PRKG1: variants seen among roughly 807,000 people sequenced by gnomAD.
PRKG1 encodes the protein protein kinase cGMP-dependent 1, also known as cGMP-dependent protein kinase 1.
PRKG1 carries 35 observed loss-of-function variants against 88.1 expected under a neutral mutation model. That is an observed-to-expected ratio of 0.40 (90% CI 0.30 to 0.53). The LOEUF is 0.53. Among genes scored for constraint, PRKG1 ranks in the 20% least tolerant of loss-of-function variants. The pLI is 0.59. For missense variants in PRKG1, 540 were observed against 839.8 expected (o/e 0.64, Z 4.41); for synonymous variants, 303 against 292.5 (o/e 1.04, Z -0.37).
intron 3 of PRKG1, among the ~76,000 whole-genome samples, chr10:51,769,565 T>C (rs74132416): frequency 0.047 from 7,087 of 152,242 alleles, 530 homozygotes; most frequent in African/African-American, 0.16. Flanking sequence ...TGACCCAGAC[T>C]TTCTAATAAA....
chr10:51,050,939 G>C (rs1843553004), intron 1 of PRKG1, among the ~76,000 whole-genome samples: 1 of 151,980 alleles, frequency 6.6e-6, no homozygotes, highest in South Asian at 2.1e-4. Flanking sequence ...ATGGCCGTTT[G>C]TGTGTCTTTT....
intron 7 of PRKG1, among the ~76,000 whole-genome samples, chr10:52,068,091 T>C (rs1846400397): frequency 7.4e-6 from 1 of 135,416 alleles, no homozygotes; most frequent in Admixed American, 7.9e-5. Context: ...TAGTCCCAGC[T>C]ACACGGGAGG....
intron 5 of PRKG1, among the ~76,000 whole-genome samples, chr10:51,956,237 C>T (rs1219699326): frequency 6.6e-6 from 1 of 151,910 alleles, no homozygotes; most frequent in Non-Finnish European, 1.5e-5. Context: ...TTTGTGGTTT[C>T]AAGTGATATA....
intron 2 of PRKG1, among the ~76,000 whole-genome samples, chr10:51,246,628 A>G (rs903306753): frequency 1.7e-4 from 26 of 151,732 alleles, no homozygotes; most frequent in South Asian, 4.2e-4. Flanking sequence ...AAAAAAAACA[A>G]TGAGGTGATT....
At chr10:51,165,127 A>G (rs1482655092) in intron 2 of PRKG1, among the ~76,000 whole-genome samples, 17 of 152,204 alleles carry the variant, frequency 1.1e-4, no homozygotes, top group Non-Finnish European at 1.9e-4. Context: ...TGAAGGAAAA[A>G]GTGTTAAGGG....
intron 5 of PRKG1, among the ~76,000 whole-genome samples, chr10:51,970,275 AC>A (rs1339083736): frequency 2.0e-5 from 3 of 151,928 alleles, no homozygotes; most frequent in African/African-American, 7.2e-5. Context: ...TGTTAATTCA[AC>A]TAATAATGTC....
chr10:51,202,515 A>G (rs575772327), intron 2 of PRKG1, among the ~76,000 whole-genome samples: 3 of 152,216 alleles, frequency 2.0e-5, no homozygotes, highest in African/African-American at 2.4e-5. Context: ...TTGCCTCAAG[A>G]AAACCCCATT....
At chr10:51,269,509 A>T (rs1236378734) in intron 2 of PRKG1, among the ~76,000 whole-genome samples, 1 of 152,208 alleles carries the variant, frequency 6.6e-6, no homozygotes, top group Non-Finnish European at 1.5e-5. Flanking sequence ...TATATTATGT[A>T]TACAACATGG....
intron 2 of PRKG1, among the ~76,000 whole-genome samples, chr10:51,323,237 T>A (rs905889892): frequency 6.6e-6 from 1 of 152,352 alleles, no homozygotes; most frequent in Non-Finnish European, 1.5e-5. Context: ...CACAGTAATT[T>A]GTTTCCTCAA....
At chr10:51,454,624 G>A (rs1019307699) in intron 2 of PRKG1, among the ~76,000 whole-genome samples, 3 of 152,192 alleles carry the variant, frequency 2.0e-5, no homozygotes, top group African/African-American at 7.2e-5. Context: ...TAATCATGGT[G>A]GAAGCAAAAG....
chr10:51,390,369 G>T (rs138175442), intron 2 of PRKG1, among the ~76,000 whole-genome samples: 1 of 152,084 alleles, frequency 6.6e-6, no homozygotes, highest in Non-Finnish European at 1.5e-5. Flanking sequence ...CATGACATGC[G>T]TATATTCATA....
intron 3 of PRKG1, among the ~76,000 whole-genome samples, chr10:51,559,679 A>G (rs900518135): frequency 1.1e-4 from 16 of 152,086 alleles, no homozygotes; most frequent in Admixed American, 9.2e-4. Context: ...GGAATATTAT[A>G]TTGTCCTTTG....
At chr10:51,541,749 CTA>C (rs1842309564) in intron 3 of PRKG1, among the ~76,000 whole-genome samples, 1 of 151,576 alleles carries the variant, frequency 6.6e-6, no homozygotes, top group Non-Finnish European at 1.5e-5. Flanking sequence ...AAAAAACAAA[CTA>C]TTTTTTTGTA....
At chr10:51,193,027 CAGTT>C (rs1241965483) in intron 2 of PRKG1, among the ~76,000 whole-genome samples, 1 of 152,018 alleles carries the variant, frequency 6.6e-6, no homozygotes, top group African/African-American at 2.4e-5. Flanking sequence ...TCAGGGTTCT[CAGTT>C]AGTAAAAGGA....
At chr10:51,558,885 G>A (rs1453013065) in intron 3 of PRKG1, among the ~76,000 whole-genome samples, 1 of 152,062 alleles carries the variant, frequency 6.6e-6, no homozygotes, top group African/African-American at 2.4e-5. Flanking sequence ...AATGAATACA[G>A]TAGTCCTCTC....
chr10:51,465,688 C>T (rs1839888068), intron 2 of PRKG1, among the ~76,000 whole-genome samples: 2 of 152,086 alleles, frequency 1.3e-5, no homozygotes, highest in Admixed American at 1.3e-4. Context: ...CCTCAACCCC[C>T]CATAGAGAGG....
chr10:51,234,270 G>A (rs1421205578), intron 2 of PRKG1, among the ~76,000 whole-genome samples: 1 of 152,036 alleles, frequency 6.6e-6, no homozygotes, highest in Non-Finnish European at 1.5e-5. Flanking sequence ...ATTTTCTTCT[G>A]CTTATGGTTG....
chr10:51,379,908 T>A (rs1352328537), intron 2 of PRKG1, among the ~76,000 whole-genome samples: 1 of 152,188 alleles, frequency 6.6e-6, no homozygotes, highest in Non-Finnish European at 1.5e-5. Context: ...AAAGCACAAG[T>A]GAGACCATAC....
At chr10:51,539,104 T>C (rs1321277363) in intron 3 of PRKG1, among the ~76,000 whole-genome samples, 1 of 152,172 alleles carries the variant, frequency 6.6e-6, no homozygotes, top group East Asian at 1.9e-4. Flanking sequence ...TTATACAGCA[T>C]AATTGAATCT....
Sources: gnomAD v4.1 joint callset for allele counts (sites outside exome capture counted in the v4.1 genomes callset) on GRCh38, gnomAD v4.1.1 for gene constraint, MANE v1.5 for transcripts, NCBI Gene and HGNC (gene_info 2026-07-23, HGNC 2026-07-21) for gene names.